The following NTRK2 variants were observed in gnomAD, a reference collection of about 807,000 sequenced individuals.
The protein encoded by NTRK2 is neurotrophic receptor tyrosine kinase 2, also known as BDNF/NT-3 growth factors receptor.
NTRK2 carries 13 observed loss-of-function variants against 94.5 expected under a neutral mutation model. That is an observed-to-expected ratio of 0.14 (90% CI 0.09 to 0.22). NTRK2 has a LOEUF of 0.22. Among genes scored for constraint, NTRK2 ranks in the 10% least tolerant of loss-of-function variants. NTRK2 has a pLI of 1.00. For missense variants in NTRK2, 639 were observed against 1,071.2 expected, an observed-to-expected ratio of 0.60 and a Z score of 5.63; for synonymous variants, 372 against 407.4, an observed-to-expected ratio of 0.91 and a Z score of 1.05.
At chr9:84,863,905 C>T (rs764424517) in intron 13 of NTRK2, among the ~76,000 whole-genome samples, 8 of 152,114 alleles carry the variant, frequency 5.3e-5, no homozygotes, top group Non-Finnish European at 1.2e-4. Context: ...CTTAATCCTC[C>T]CCTCGCTCCC....
At chr9:84,934,324 C>A (rs2132722112) in intron 15 of NTRK2, 32 bp downstream of exon 15, 1 of 1,612,172 alleles carries the variant, frequency 6.2e-7, no homozygotes, top group South Asian at 1.1e-5. Context: ...TCTCATTAAC[C>A]ATGATCACAC....
intron 17 of NTRK2, among the ~76,000 whole-genome samples, chr9:84,997,170 G>T (rs549626466): frequency 1.3e-5 from 2 of 152,314 alleles, no homozygotes; most frequent in African/African-American, 2.4e-5. Context: ...GGGAAGAGCT[G>T]GTAGCCAGAC....
chr9:84,721,045 T>A (rs1322440185), intron 6 of NTRK2, among the ~76,000 whole-genome samples: 2 of 152,196 alleles, frequency 1.3e-5, no homozygotes. Flanking sequence ...TTTTTTTCCT[T>A]TCATAGTGGT....
chr9:84,727,349 G>A (rs559211693), intron 8 of NTRK2, among the ~76,000 whole-genome samples: 27 of 152,186 alleles, frequency 1.8e-4, no homozygotes, highest in Admixed American at 9.8e-4. Flanking sequence ...AACTCTTTCC[G>A]CTGTCAGAAA....
At chr9:84,730,540 A>G (rs1171397464) in intron 9 of NTRK2, among the ~76,000 whole-genome samples, 2 of 132,722 alleles carry the variant, frequency 1.5e-5, no homozygotes, top group African/African-American at 6.9e-5. Flanking sequence ...GGAGATCGAG[A>G]CCATCCTGGC....
At chr9:84,775,600 TA>T (rs1381879610) in intron 12 of NTRK2, among the ~76,000 whole-genome samples, 2 of 152,234 alleles carry the variant, frequency 1.3e-5, no homozygotes, top group Non-Finnish European at 2.9e-5. Context: ...GACAAATTTA[TA>T]ATCAATATTG....
At chr9:84,896,361 A>G (rs1418327785) in intron 14 of NTRK2, among the ~76,000 whole-genome samples, 1 of 152,188 alleles carries the variant, frequency 6.6e-6, no homozygotes, top group African/African-American at 2.4e-5. Context: ...ACTGCCCAGC[A>G]CAGAGCTGGG....
intron 12 of NTRK2, among the ~76,000 whole-genome samples, chr9:84,767,728 C>T (rs571997254): frequency 3.2e-4 from 48 of 152,286 alleles, no homozygotes; most frequent in African/African-American, 4.8e-4. Context: ...CCCCATACTA[C>T]GTCTCTCTCT....
intron 14 of NTRK2, among the ~76,000 whole-genome samples, chr9:84,930,540 G>C (rs1009223723): frequency 2.6e-5 from 4 of 152,182 alleles, no homozygotes; most frequent in African/African-American, 7.2e-5. Context: ...ATGAGGGATA[G>C]AGATGGCGTC....
intron 14 of NTRK2, among the ~76,000 whole-genome samples, chr9:84,870,236 ATATAAG>A (rs1299031585): frequency 7.1e-6 from 1 of 141,764 alleles, no homozygotes; most frequent in African/African-American, 2.6e-5. Flanking sequence ...ATGTGTACAT[ATATAAG>A]TATATGTACA....
In NTRK2 at chr9:84,892,945, TTTC is replaced by T. The variant is rs1023671228; in HGVS notation, c.1633+25520_1633+25522del. Among the ~76,000 whole-genome samples, 157 of 151,980 alleles carry T rather than the reference TTTC, an allele frequency of 1.0e-3. 1 individual carries two copies. Among genetic ancestry groups the T allele is most frequent in the African/African-American group, 3.7e-3 (152 of 41,454 alleles). On this transcript the variant is annotated intron_variant, in intron 14 of 18. Coordinates refer to ENST00000277120, the MANE Select transcript of NTRK2 (RefSeq NM_006180.6). ...CTCAAAAAAAAAAAAATTACTGTAC[TTTC>T]TTCTTTTCTTTTTCTTTCCTTCCTT...
intron 17 of NTRK2, among the ~76,000 whole-genome samples, chr9:84,989,525 TAA>T (rs1326742063): frequency 6.6e-6 from 1 of 152,214 alleles, no homozygotes; most frequent in Non-Finnish European, 1.5e-5. Flanking sequence ...ACTACATATA[TAA>T]GTCATAACCA....
rs1040701458 is a variant in NTRK2 at position 85,025,640 on chromosome 9, G to C, written c.*4203G>C. ...CATTGTTGTATCTAACTAAATAAAT[G>C]ACTGCATATACACACATACCCTCAA... On this transcript the variant is annotated 3_prime_UTR_variant, in exon 19 of 19. Transcript: ENST00000277120. 3 of 233,050 alleles carry C rather than the reference G, an allele frequency of 1.3e-5. No homozygotes were observed. Among genetic ancestry groups the C allele is most frequent in the Non-Finnish European group, 2.5e-5 (3 of 118,020 alleles). 14.4% of individuals were successfully genotyped at this position (233,050 alleles called of 1,614,324 possible).
At chr9:84,687,572 C>A (rs556724191) in intron 2 of NTRK2, among the ~76,000 whole-genome samples, 1 of 152,276 alleles carries the variant, frequency 6.6e-6, no homozygotes, top group African/African-American at 2.4e-5. Flanking sequence ...CATTACCATC[C>A]TTTGATTGCA....
chr9:84,760,323 G>A (rs936539513), intron 12 of NTRK2, among the ~76,000 whole-genome samples: 1 of 152,084 alleles, frequency 6.6e-6, no homozygotes, highest in Non-Finnish European at 1.5e-5. Context: ...TTCTCTAAGA[G>A]GTAGTTACTT....
intron 14 of NTRK2, among the ~76,000 whole-genome samples, chr9:84,899,503 C>T (rs1433049122): frequency 6.6e-6 from 1 of 152,228 alleles, no homozygotes; most frequent in African/African-American, 2.4e-5. Flanking sequence ...TGCCCTCCCA[C>T]CAGCCATGAC....
chr9:84,893,850 A>C (rs2076668907), intron 14 of NTRK2, among the ~76,000 whole-genome samples: 1 of 152,222 alleles, frequency 6.6e-6, no homozygotes, highest in African/African-American at 2.4e-5. Flanking sequence ...AGTTATCTTT[A>C]AGAGGCTTTT....
intron 14 of NTRK2, among the ~76,000 whole-genome samples, chr9:84,907,656 C>T (rs2077111824): frequency 6.7e-6 from 1 of 149,820 alleles, no homozygotes; most frequent in Non-Finnish European, 1.5e-5. Flanking sequence ...GATAAAGCAA[C>T]ATTTTGCCTC....
intron 15 of NTRK2, among the ~76,000 whole-genome samples, chr9:84,938,655 A>G (rs2078291156): frequency 6.6e-6 from 1 of 152,190 alleles, no homozygotes; most frequent in Admixed American, 6.5e-5. Context: ...ACACTGCCTC[A>G]TATGTAGTAG....
Sources: allele counts gnomAD v4.1 joint callset (sites outside exome capture counted in the v4.1 genomes callset), GRCh38; gene constraint gnomAD v4.1.1; transcripts MANE v1.5; gene names NCBI Gene and HGNC (gene_info 2026-07-23, HGNC 2026-07-21).